The following RPP40 variants were observed in gnomAD, a reference collection of about 807,000 sequenced individuals.
RPP40 encodes the protein ribonuclease P/MRP subunit p40, also known as ribonuclease P protein subunit p40.
Under a neutral mutation model 42.5 loss-of-function variants are expected in RPP40, and 30 were observed. The ratio of observed to expected loss-of-function variants is 0.71; its 90% CI spans 0.53 to 0.96. The LOEUF (loss-of-function observed/expected upper bound fraction) is 0.96. RPP40 is among the 40% of genes least tolerant of loss of function. The pLI is 0.00. For synonymous variants in RPP40, 173 were observed against 164.0 expected (o/e 1.05, Z -0.42); for missense variants, 426 against 433.5 (o/e 0.98, Z 0.15).
intron 5 of RPP40, among the ~76,000 whole-genome samples, chr6:4,996,877 G>T (rs1464264973): frequency 6.6e-6 from 1 of 152,172 alleles, no homozygotes; most frequent in Non-Finnish European, 1.5e-5. Flanking sequence ...ATCTTTTCAG[G>T]GATGTTTGTG....
At chr6:4,996,144 C>G (rs967561976) in intron 6 of RPP40, 59 bp from the exon 7 acceptor site, 4 of 1,608,038 alleles carry the variant, frequency 2.5e-6, no homozygotes, top group African/African-American at 2.7e-5. Context: ...CACATGATCA[C>G]TTCCAAAGTA....
At position 4,998,782 on chromosome 6, in the gene RPP40, T is replaced by C. The variant is rs2127541519; in HGVS notation, c.493A>G (p.Ile165Val). Residue 165 changes from isoleucine (I) to valine (V), a missense_variant, in exon 5 of 8, where the codon ATA becomes GTA. Ile to Val is a conservative substitution (Grantham distance 29). Transcript: ENST00000380051. ...TTCTTTTCTTTGAAAGACCAAGATA[T>C]TCTTTCATACTTCTTAGAATCCAAG... ...LNLDSKKYERISWSFKEKKPL... is the reference protein window; with the variant it reads ...LNLDSKKYERVSWSFKEKKPL... 6.5e-7 allele frequency: 1 copy of C among 1,528,304 alleles called. No individual in the cohort carries two copies. The highest frequency in any genetic ancestry group is 8.9e-7 in the Non-Finnish European group (1 of 1,118,582). 94.7% of individuals were successfully genotyped at this position (1,528,304 alleles called of 1,614,324 possible).
chr6:4,988,951 A>G, the RPP40 span, among the ~76,000 whole-genome samples: 4 of 152,234 alleles, frequency 2.6e-5, no homozygotes, highest in Non-Finnish European at 4.4e-5. Flanking sequence ...TACGGGAGAT[A>G]AAGTTTTTCA....
In RPP40 at chr6:4,994,941, AG is replaced by A; in HGVS notation, c.*136del. On this transcript the variant is annotated 3_prime_UTR_variant, in exon 8 of 8. Transcript: ENST00000380051. ...GCCATCACAGATGGGTCTCAGGTGC[AG>A]GGCAGGATGCCAGCAAATGCTGATC... The A allele has an allele frequency of 1.4e-6, 1 of 731,052 alleles. No individual in the cohort carries two copies. 45.3% of individuals were successfully genotyped at this position (731,052 alleles called of 1,614,324 possible). A position where few individuals can be genotyped will look rare whatever the true frequency, so the allele number is the denominator to read the frequency against.
chr6:5,003,719 A>G, intron 1 of RPP40, 161 bp downstream of exon 1: 2 of 879,154 alleles, frequency 2.3e-6, no homozygotes, highest in Non-Finnish European at 3.3e-6. Context: ...CCACTGGCTT[A>G]GAGCAGTTAA....
chr6:4,996,256 C>G lies in RPP40; in HGVS notation c.724G>C (p.Asp242His), dbSNP rs1367162388. Reference protein sequence around the residue: ...EVSCRALELFDWLGAVFSNVD... With the variant: ...EVSCRALELFHWLGAVFSNVD... ...TTACTGAAGACGGCGCCGAGCCAGT[C>G]GAAGAGCTCCAGAGCCCGGCAGGAC... Residue 242 changes from aspartate to histidine, a missense_variant, in exon 6 of 8, where the codon GAC becomes CAC. Coordinates refer to ENST00000380051, the MANE Select transcript of RPP40 (RefSeq NM_006638.4). 3.1e-6 allele frequency: 5 copies of G among 1,614,018 alleles called. No homozygotes were observed. Among genetic ancestry groups the G allele is most frequent in the Non-Finnish European group, 3.4e-6 (4 of 1,179,992 alleles).
rs116637541 is a variant in RPP40, at chr6:4,994,807, G to A, written c.*271C>T. 407 of 389,880 alleles carry A rather than the reference G, an allele frequency of 1.0e-3. 1 individual carries two copies. The highest frequency in any genetic ancestry group is 7.8e-3 in the African/African-American group (387 of 49,762). 24.2% of individuals were successfully genotyped at this position (389,880 alleles called of 1,614,324 possible). ...GAGTGAGATGGGGACCAATATCCCCGGTCCCTGGACATCCTGGCCCAGTGT... is the reference window on the plus strand; with the variant it reads ...GAGTGAGATGGGGACCAATATCCCCAGTCCCTGGACATCCTGGCCCAGTGT... On this transcript the variant is annotated 3_prime_UTR_variant, in exon 8 of 8. Coordinates refer to ENST00000380051, the MANE Select transcript of RPP40 (RefSeq NM_006638.4).
At chr6:5,003,361 AAAAAAAG>A (rs1561748554) in intron 1 of RPP40, among the ~76,000 whole-genome samples, 1 of 148,338 alleles carries the variant, frequency 6.7e-6, no homozygotes, top group Non-Finnish European at 1.5e-5. Flanking sequence ...AAAAAAAAAA[AAAAAAAG>A]GAAAATCAGT....
intron 5 of RPP40, among the ~76,000 whole-genome samples, chr6:4,997,941 C>T (rs1357491945): frequency 6.6e-6 from 1 of 152,202 alleles, no homozygotes; most frequent in African/African-American, 2.4e-5. Flanking sequence ...TAGAAGACTT[C>T]ACGCAACTGA....
At chr6:5,000,699 T>G in intron 2 of RPP40, 68 bp from the exon 3 acceptor site, 1 of 985,826 alleles carries the variant, frequency 1.0e-6, no homozygotes, top group Non-Finnish European at 1.6e-6. Flanking sequence ...TAGTGGATTA[T>G]TTTTACAAGA....
At chr6:5,003,777 T>C (rs2127544759) in intron 1 of RPP40, 103 bp downstream of exon 1, 3 of 1,380,226 alleles carry the variant, frequency 2.2e-6, no homozygotes, top group South Asian at 1.5e-5. Flanking sequence ...CCCCTCCGCG[T>C]ACCGCCGGCG....
rs1288485653 is a variant in RPP40 at position 5,003,937 on chromosome 6, G to T, written c.66C>A (p.Phe22Leu). 1.9e-6 allele frequency: 3 copies of T among 1,613,640 alleles called. No homozygotes were observed. The highest frequency in any genetic ancestry group is 2.5e-6 in the Non-Finnish European group (3 of 1,179,760). ...RHLLVCEKSN[F>L]GNHKSRHRHL... ...GCCGGTGGCGCGACTTGTGGTTGCCGAAGTTGGATTTCTCGCAAACCAGTA... is the reference window on the plus strand; with the variant it reads ...GCCGGTGGCGCGACTTGTGGTTGCCTAAGTTGGATTTCTCGCAAACCAGTA... The change falls in exon 1 of 8, where the codon TTC (phenylalanine) becomes TTA (leucine). Residue 22 changes from phenylalanine (F) to leucine (L), a missense_variant. By Grantham distance (22) the Phe-to-Leu change is conservative. Transcript: ENST00000380051.
At chr6:5,001,568 G>A (rs1759559602) in intron 2 of RPP40, among the ~76,000 whole-genome samples, 2 of 152,180 alleles carry the variant, frequency 1.3e-5, no homozygotes, top group Non-Finnish European at 2.9e-5. Context: ...CAAACAAATG[G>A]CTCCCAGGAA....
At chr6:4,989,142 A>T in the RPP40 span, among the ~76,000 whole-genome samples, 45,366 of 152,054 alleles carry the variant, frequency 0.3, 7,345 homozygotes, top group African/African-American at 0.43. Context: ...ATTTATTTGC[A>T]GTTTAAGTGG....
rs905854213 is a variant in RPP40, at chr6:4,994,806, C to T, written c.*272G>A. 12 of 392,730 alleles carry T rather than the reference C, an allele frequency of 3.1e-5. No homozygotes were observed. Among genetic ancestry groups the T allele is most frequent in the African/African-American group, 8.0e-5 (4 of 49,788 alleles). The allele number at this position is 392,730 out of a possible 1,614,324, so 24.3% of individuals were successfully genotyped here. ...GGAGTGAGATGGGGACCAATATCCC[C>T]GGTCCCTGGACATCCTGGCCCAGTG... On this transcript the variant is annotated 3_prime_UTR_variant, in exon 8 of 8. Coordinates refer to ENST00000380051, the MANE Select transcript of RPP40 (RefSeq NM_006638.4).
In RPP40 at chr6:4,994,872, AG is replaced by A. The variant is rs1759321024; in HGVS notation, c.*205del. ...CACAACCCTGTGCTTATGTTGACAGAGAGAAATCAACTATGAGCTATTCACT... is the reference window on the plus strand; with the variant it reads ...CACAACCCTGTGCTTATGTTGACAGAAGAAATCAACTATGAGCTATTCACT... On this transcript the variant is annotated 3_prime_UTR_variant, in exon 8 of 8. Transcript: ENST00000380051. 1.7e-6 allele frequency: 1 copy of A among 574,342 alleles called. No individual in the cohort carries two copies. Among genetic ancestry groups the A allele is most frequent in the African/African-American group, 1.9e-5 (1 of 53,602 alleles). 35.6% of individuals were successfully genotyped at this position (574,342 alleles called of 1,614,324 possible). A position where few individuals can be genotyped will look rare whatever the true frequency, so the allele number is the denominator to read the frequency against.
downstream of RPP40, among the ~76,000 whole-genome samples, chr6:4,991,679 T>C (rs187066732): frequency 6.6e-6 from 1 of 152,350 alleles, no homozygotes; most frequent in East Asian, 1.9e-4. Context: ...TCTTGCTTTA[T>C]GTGTTTTGAA....
chr6:4,996,421 C>T lies in RPP40; in HGVS notation c.560-1G>A. 6.2e-7 allele frequency: 1 copy of T among 1,612,328 alleles called. No homozygotes were observed. Among genetic ancestry groups the T allele is most frequent in the Non-Finnish European group, 8.5e-7 (1 of 1,180,014 alleles). On this transcript the variant is annotated splice_acceptor_variant, in intron 5 of 7. Transcript: ENST00000380051. LOFTEE classifies it high-confidence loss of function. Reference sequence around the variant, plus strand: ...GACATCATTGTCGATTCTTCTGAACCTTAAAAACACACCACACAAGGCCAT... The same window carrying T: ...GACATCATTGTCGATTCTTCTGAACTTTAAAAACACACCACACAAGGCCAT...
At position 5,002,216 on chromosome 6, in the gene RPP40, T is replaced by C; in HGVS notation, c.153A>G (p.Ile51Met). The C allele has an allele frequency of 6.2e-7, 1 of 1,613,182 alleles. No homozygotes were observed. Among genetic ancestry groups the C allele is most frequent in the Non-Finnish European group, 8.5e-7 (1 of 1,179,474 alleles). The stretch of plus-strand genomic sequence containing the variant: ...CCAGGTTTTTCAGTTCTTCCGATAG[T>C]ATCCCACATTCAGGAATGAGAAATG... ...RVSFLIPECGILSEELKNLVM... is the reference protein window; with the variant it reads ...RVSFLIPECGMLSEELKNLVM... Residue 51 changes from isoleucine to methionine, a missense_variant, in exon 2 of 8, where the codon ATA becomes ATG. Transcript: ENST00000380051.
Sources: allele counts gnomAD v4.1 joint callset (sites outside exome capture counted in the v4.1 genomes callset), GRCh38; gene constraint gnomAD v4.1.1; transcripts MANE v1.5; gene names NCBI Gene and HGNC (gene_info 2026-07-23, HGNC 2026-07-21).